MPRIP: variants seen among roughly 807,000 people sequenced by gnomAD.
The protein encoded by MPRIP is myosin phosphatase Rho-interacting protein.
In MPRIP, 59 loss-of-function variants were observed where a neutral mutation model predicts 234.9. The observed-to-expected ratio is 0.25, with a 90% CI of 0.20 to 0.31. The LOEUF is 0.31. MPRIP is among the 10% of genes least tolerant of loss of function. The probability of loss-of-function intolerance (pLI) is 1.00; values close to 1 mark genes in which losing one functional copy is unlikely to be tolerated. For missense variants in MPRIP, 2,436 were observed against 3,071.0 expected, an observed-to-expected ratio of 0.79 and a Z score of 4.89; for synonymous variants, 1,144 against 1,263.9, an observed-to-expected ratio of 0.91 and a Z score of 2.01.
chr17:17,187,819 G>T lies in MPRIP; in HGVS notation c.*2925G>T, dbSNP rs902187413. 6.6e-6 allele frequency: 1 copy of T among 152,266 alleles called. No homozygotes were observed. The highest frequency in any genetic ancestry group is 1.5e-5 in the Non-Finnish European group (1 of 68,056). The allele number at this position is 152,266 out of a possible 1,614,324, so 9.4% of individuals were successfully genotyped here. A position where few individuals can be genotyped will look rare whatever the true frequency, so the allele number is the denominator to read the frequency against. ...AAAGTCTTAGGGACAGCTGCAGGCG[G>T]GGTCTCAGGCTGCTCCTTGGCACCA... On this transcript the variant is annotated 3_prime_UTR_variant, in exon 24 of 24. Transcript: ENST00000651222.
At chr17:17,110,794 T>C (rs1413881419) in intron 3 of MPRIP, among the ~76,000 whole-genome samples, 1 of 152,154 alleles carries the variant, frequency 6.6e-6, no homozygotes, top group Non-Finnish European at 1.5e-5. Flanking sequence ...TCAGCACTCC[T>C]CAAAACCATC....
intron 14 of MPRIP, among the ~76,000 whole-genome samples, chr17:17,159,562 C>G (rs2045817309): frequency 6.6e-6 from 1 of 152,208 alleles, no homozygotes; most frequent in African/African-American, 2.4e-5. Flanking sequence ...GTGACTGTCA[C>G]TCCTCCACGA....
chr17:17,044,367 CTT>C (rs1691884233), intron 1 of MPRIP, among the ~76,000 whole-genome samples: 3 of 152,188 alleles, frequency 2.0e-5, no homozygotes, highest in African/African-American at 2.4e-5. Context: ...TGTTAGGAGA[CTT>C]TGCTTCAGGT....
intron 3 of MPRIP, among the ~76,000 whole-genome samples, chr17:17,080,428 G>A (rs1238012373): frequency 1.3e-5 from 2 of 152,242 alleles, no homozygotes; most frequent in African/African-American, 4.8e-5. Context: ...CCTGAGACCT[G>A]GAGCAGGAAA....
chr17:17,061,938 G>C (rs2088879660), intron 1 of MPRIP, among the ~76,000 whole-genome samples: 1 of 151,958 alleles, frequency 6.6e-6, no homozygotes, highest in African/African-American at 2.4e-5. Context: ...TGATTGTGCA[G>C]TTACCTAGGG....
At chr17:17,152,197 T>C (rs566913952) in intron 12 of MPRIP, among the ~76,000 whole-genome samples, 1 of 152,366 alleles carries the variant, frequency 6.6e-6, no homozygotes, top group East Asian at 1.9e-4. Flanking sequence ...GGGTGTGAGT[T>C]GTCTGCTCTT....
chr17:17,077,937 T>C, intron 2 of MPRIP, 74 bp from the exon 3 acceptor site: 1 of 1,460,934 alleles, frequency 6.8e-7, no homozygotes, highest in Non-Finnish European at 9.6e-7. Flanking sequence ...TTGTCAGACG[T>C]GGGAACTCCA....
At chr17:17,110,677 G>A (rs1350224332) in intron 3 of MPRIP, among the ~76,000 whole-genome samples, 1 of 152,170 alleles carries the variant, frequency 6.6e-6, no homozygotes, top group African/African-American at 2.4e-5. Flanking sequence ...GGGAAGAGAA[G>A]GGGTATCACC....
At position 17,165,241 on chromosome 17, in the gene MPRIP, G is replaced by A. The variant is rs1173362575; in HGVS notation, c.3650G>A (p.Arg1217Lys). ...IKLQAKEEILRKFASESPKDM... is the reference protein window; with the variant it reads ...IKLQAKEEILKKFASESPKDM... ...CTCCAGGCAAAAGAAGAGATTTTAA[G>A]GAAATTTGCAAGTGAATCTCCAAAG... Residue 1217 changes from arginine (R) to lysine (K), a missense_variant, in exon 16 of 24, where the codon AGG (arginine) becomes AAG (lysine). This residue lies in a region of MPRIP where 1,998 missense variants were observed against 2,520.3 expected (regional missense o/e 0.79). Transcript: ENST00000651222. 7.7e-7 allele frequency: 1 copy of A among 1,304,016 alleles called. No homozygotes were observed. The highest frequency in any genetic ancestry group is 1.5e-5 in the African/African-American group (1 of 65,886). 80.8% of individuals were successfully genotyped at this position (1,304,016 alleles called of 1,614,324 possible). A position where few individuals can be genotyped will look rare whatever the true frequency, so the allele number is the denominator to read the frequency against.
At chr17:17,123,703 CAAAAAAAAAAAAAA>C (rs371753802) in intron 3 of MPRIP, among the ~76,000 whole-genome samples, 1 of 59,296 alleles carries the variant, frequency 1.7e-5, no homozygotes, top group Non-Finnish European at 3.8e-5. Context: ...GACTTCGTCT[CAAAAAAAAAAAAAA>C]AAAAAAAGAA....
At chr17:17,160,890 C>G (rs1202446412) in intron 14 of MPRIP, among the ~76,000 whole-genome samples, 6 of 152,214 alleles carry the variant, frequency 3.9e-5, no homozygotes, top group African/African-American at 1.4e-4. Flanking sequence ...CATTCCCCTT[C>G]TCAGAAATGA....
intron 17 of MPRIP, 135 bp downstream of exon 17, chr17:17,172,000 G>GCCTCAGAGTGAACAGTCAAAGA: frequency 8.9e-7 from 1 of 1,117,822 alleles, no homozygotes; most frequent in Non-Finnish European, 1.3e-6. Flanking sequence ...AGGGTTCTTT[G>GCCTCAGAGTGAACAGTCAAAGA]ACTATTCACT....
intron 3 of MPRIP, among the ~76,000 whole-genome samples, chr17:17,108,839 G>A (rs1349128623): frequency 6.6e-6 from 1 of 152,232 alleles, no homozygotes; most frequent in Non-Finnish European, 1.5e-5. Flanking sequence ...TACACCATGT[G>A]GCATGGCAGC....
intron 18 of MPRIP, 82 bp from the exon 19 acceptor site, chr17:17,173,834 G>A (rs774141807): frequency 1.3e-6 from 2 of 1,520,354 alleles, no homozygotes; most frequent in Admixed American, 3.4e-5. Context: ...GCTTGGCTGT[G>A]TCTGGTGTCA....
At chr17:17,055,172 C>CATG (rs2088656047) in intron 1 of MPRIP, among the ~76,000 whole-genome samples, 1 of 152,016 alleles carries the variant, frequency 6.6e-6, no homozygotes, top group South Asian at 2.1e-4. Flanking sequence ...AGAAGTCATG[C>CATG]AGGTCCCATG....
At chr17:17,154,496 T>C (rs1270959187) in intron 13 of MPRIP, 81 bp downstream of exon 13, 1 of 1,227,762 alleles carries the variant, frequency 8.1e-7, no homozygotes, top group East Asian at 2.3e-5. Context: ...GACTCAGGTC[T>C]GAAGTCTGAG....
At chr17:17,101,438 G>A (rs1369503519) in intron 3 of MPRIP, among the ~76,000 whole-genome samples, 7 of 152,090 alleles carry the variant, frequency 4.6e-5, no homozygotes, top group Admixed American at 4.6e-4. Flanking sequence ...ATGGTGGCAG[G>A]CGCCTGTAAT....
chr17:17,176,285 G>A, intron 20 of MPRIP, 141 bp from the exon 21 acceptor site: 1 of 677,750 alleles, frequency 1.5e-6, no homozygotes, highest in African/African-American at 1.8e-5. Flanking sequence ...GTGTTTAAAC[G>A]ATGCTTGCCC....
chr17:17,146,143 G>C (rs1218834794), intron 10 of MPRIP, 51 bp downstream of exon 10: 2 of 1,548,286 alleles, frequency 1.3e-6, no homozygotes, highest in Non-Finnish European at 1.8e-6. Context: ...GACAGGGTGA[G>C]GGTGAGCTGT....
Sources: allele counts gnomAD v4.1 joint callset (sites outside exome capture counted in the v4.1 genomes callset), GRCh38; gene constraint gnomAD v4.1.1; regional missense constraint gnomAD v4.1.1; transcripts MANE v1.5; gene names NCBI Gene and HGNC (gene_info 2026-07-23, HGNC 2026-07-21).